MSL1: variants seen among roughly 807,000 people sequenced by gnomAD.
MSL1 encodes the protein MSL complex subunit 1, also known as male-specific lethal 1 homolog.
MSL1 carries 21 observed loss-of-function variants against 64.6 expected under a neutral mutation model. That is an observed-to-expected ratio of 0.33 (90% CI 0.23 to 0.47). The LOEUF (loss-of-function observed/expected upper bound fraction) is 0.47. Ranked by LOEUF, MSL1 falls within the 20% of genes least tolerant of loss-of-function variation. The pLI is 1.00. For synonymous variants in MSL1, 339 were observed against 329.6 expected, an observed-to-expected ratio of 1.03 and a Z score of -0.31; for missense variants, 664 against 793.2, an observed-to-expected ratio of 0.84 and a Z score of 1.96.
At position 40,126,189 on chromosome 17, in the gene MSL1, G is replaced by A; in HGVS notation, c.775G>A (p.Ala259Thr). The change falls in exon 2 of 9, where the codon GCT becomes ACT. Residue 259 changes from alanine (A) to threonine (T), a missense_variant. Ala to Thr is a moderately conservative substitution (Grantham distance 58, BLOSUM62 0). Coordinates refer to ENST00000398532, the MANE Select transcript of MSL1 (RefSeq NM_001365919.1). ...TTGCTACTCTCTCTTTTAGCTCCTT[G>A]CTCGGATTGAACGTATGGAAAGGCG... ...ELKSERDTLL[A>T]RIERMERRMQ... is the part of the protein sequence containing the mutation. 6.2e-7 allele frequency: 1 copy of A among 1,613,946 alleles called. No homozygotes were observed. The highest frequency in any genetic ancestry group is 8.5e-7 in the Non-Finnish European group (1 of 1,179,864).
Position 40,134,353 on chromosome 17 carries a change from G to A in MSL1, c.1829G>A (p.Arg610Gln), listed in dbSNP as rs1432578807. Residue 610 changes from arginine to glutamine, a missense_variant, in exon 9 of 9, where the codon CGG (arginine) becomes CAG (glutamine). Transcript: ENST00000398532. Reference sequence around the variant, plus strand: ...ATCCAGAAGAAGCAAACACCTCACCGGACGTGTAGGAAATAGCTGTGCTGG... The same window carrying A: ...ATCCAGAAGAAGCAAACACCTCACCAGACGTGTAGGAAATAGCTGTGCTGG... Reference protein sequence around the residue: ...LEIQKKQTPHRTCRK With the variant: ...LEIQKKQTPHQTCRK 3 of 1,554,928 alleles carry A rather than the reference G, an allele frequency of 1.9e-6. No homozygotes were observed. Among genetic ancestry groups the A allele is most frequent in the Non-Finnish European group, 2.6e-6 (3 of 1,148,692 alleles).
At chr17:40,129,703 A>G in intron 3 of MSL1, 76 bp downstream of exon 3, 1 of 1,436,010 alleles carries the variant, frequency 7.0e-7, no homozygotes, top group South Asian at 1.5e-5. Flanking sequence ...TGCCTTTGGC[A>G]TTTTTAAAAA....
intron 2 of MSL1, among the ~76,000 whole-genome samples, chr17:40,128,675 C>T (rs781498277): frequency 2.6e-5 from 4 of 151,432 alleles, no homozygotes; most frequent in Admixed American, 6.6e-5. Context: ...AGCCACTGCG[C>T]CTGGTGGACC....
At chr17:40,132,901 A>AT (rs1988468440) in intron 5 of MSL1, 141 bp from the exon 6 acceptor site, 2 of 681,358 alleles carry the variant, frequency 2.9e-6, no homozygotes, top group East Asian at 5.5e-5. Flanking sequence ...GGAGGTTCCC[A>AT]TACTGTCCAT....
Position 40,132,081 on chromosome 17 carries a change from C to A in MSL1, c.1471C>A (p.Pro491Thr). The A allele has an allele frequency of 6.2e-7, 1 of 1,602,846 alleles. No individual in the cohort carries two copies. Among genetic ancestry groups the A allele is most frequent in the African/African-American group, 1.3e-5 (1 of 74,862 alleles). The change falls in exon 5 of 9, where the codon CCT (proline) becomes ACT (threonine). Residue 491 changes from proline to threonine, a missense_variant. This residue lies in a region of MSL1 where 119 missense variants were observed against 164.3 expected (regional missense o/e 0.72). Coordinates refer to ENST00000398532, the MANE Select transcript of MSL1 (RefSeq NM_001365919.1). ...AGTAGAGCCTCTAAGGGACCCAAAT[C>A]CTTCAGACCTTTTGGAGGTAGGTAA... is the stretch of plus-strand genomic sequence containing the variant. ...HSVEPLRDPNPSDLLENLDDS... is the reference protein window; with the variant it reads ...HSVEPLRDPNTSDLLENLDDS...
In MSL1 at chr17:40,126,383, G is replaced by A. The variant is rs1988316099; in HGVS notation, c.969G>A (p.Gly323=). ...TGCCTCCCAAGCCCTTCTCATGTGG[G>A]CGGAGTGGAAAGGGACATAAAAGGT... The part of the protein sequence containing the change: ...QTLPPKPFSC[G]RSGKGHKRKS... The change falls in exon 2 of 9, where the codon GGG becomes GGA. Residue 323 remains glycine (G), a synonymous_variant. Transcript: ENST00000398532. 6.2e-7 allele frequency: 1 copy of A among 1,614,046 alleles called. No individual in the cohort carries two copies. Among genetic ancestry groups the A allele is most frequent in the Non-Finnish European group, 8.5e-7 (1 of 1,179,900 alleles).
intron 2 of MSL1, chr17:40,126,767 C>T (rs1276608437): frequency 5.2e-6 from 1 of 192,920 alleles, no homozygotes; most frequent in African/African-American, 2.4e-5. Context: ...GGGATTGCTC[C>T]ACTGCACTCC....
intron 6 of MSL1, 22 bp downstream of exon 6, chr17:40,133,131 C>A: frequency 6.3e-7 from 1 of 1,589,126 alleles, no homozygotes; most frequent in East Asian, 2.3e-5. Context: ...GATGTCCATC[C>A]TGGAAACAAC....
chr17:40,132,291 T>TA (rs1488132882), intron 5 of MSL1, among the ~76,000 whole-genome samples, 193 bp downstream of exon 5: 1 of 152,172 alleles, frequency 6.6e-6, no homozygotes. Context: ...AGTGATTTAT[T>TA]AAAAAATAAA....
chr17:40,130,478 C>T (rs1988417878), intron 3 of MSL1, among the ~76,000 whole-genome samples: 1 of 151,964 alleles, frequency 6.6e-6, no homozygotes, highest in Admixed American at 6.6e-5. Context: ...TAGTCTATGT[C>T]AGTCACTGCG....
intron 2 of MSL1, among the ~76,000 whole-genome samples, chr17:40,128,366 ATTC>A (rs1431012579): frequency 7.6e-6 from 1 of 131,658 alleles, no homozygotes; most frequent in African/African-American, 3.0e-5. Context: ...GACCTTGAAT[ATTC>A]TTTTTTTTTT....
intron 3 of MSL1, among the ~76,000 whole-genome samples, chr17:40,130,632 C>G (rs1438925520): frequency 6.6e-6 from 1 of 152,110 alleles, no homozygotes; most frequent in Non-Finnish European, 1.5e-5. Flanking sequence ...TTTGGCTGTT[C>G]TGGTGACAAA....
At chr17:40,123,408 GC>G in intron 1 of MSL1, 28 bp downstream of exon 1, 2 of 1,531,454 alleles carry the variant, frequency 1.3e-6, no homozygotes, top group Non-Finnish European at 1.7e-6. Flanking sequence ...CTGCATTCGG[GC>G]CGAGGAGCGA....
chr17:40,123,414 G>A (rs1282289110), intron 1 of MSL1, 34 bp downstream of exon 1: 6 of 1,529,718 alleles, frequency 3.9e-6, no homozygotes, highest in Non-Finnish European at 5.3e-6. Flanking sequence ...TCGGGCCGAG[G>A]AGCGAGTTGT....
chr17:40,125,705 G>C (rs1370693109), intron 1 of MSL1, among the ~76,000 whole-genome samples: 3 of 152,154 alleles, frequency 2.0e-5, no homozygotes, highest in Non-Finnish European at 4.4e-5. Context: ...AGCTACTCGG[G>C]AGGCTGAGGC....
rs1009311244 is a variant in MSL1 at position 40,134,586 on chromosome 17, CTT to C, written c.*222_*223del. 1.9e-6 allele frequency: 1 copy of C among 535,004 alleles called. No individual in the cohort carries two copies. The highest frequency in any genetic ancestry group is 3.3e-6 in the Non-Finnish European group (1 of 299,084). The allele number at this position is 535,004 out of a possible 1,614,324, so 33.1% of individuals were successfully genotyped here. A position where few individuals can be genotyped will look rare whatever the true frequency, so the allele number is the denominator to read the frequency against. On this transcript the variant is annotated 3_prime_UTR_variant, in exon 9 of 9. Transcript: ENST00000398532. ...GGAGGGTGATTGGGATTTCTTTTCCCTTTTTTGGGAAATGGGCTCTCAAGCTA... is the reference window on the plus strand; with the variant it reads ...GGAGGGTGATTGGGATTTCTTTTCCCTTTTGGGAAATGGGCTCTCAAGCTA...
At chr17:40,125,343 T>C (rs1421645737) in intron 1 of MSL1, among the ~76,000 whole-genome samples, 1 of 152,232 alleles carries the variant, frequency 6.6e-6, no homozygotes, top group East Asian at 1.9e-4. Context: ...GAAATGTTCA[T>C]TGTTTTAAAA....
intron 3 of MSL1, 48 bp downstream of exon 3, chr17:40,129,675 A>G: frequency 6.7e-7 from 1 of 1,484,796 alleles, no homozygotes; most frequent in Non-Finnish European, 8.9e-7. Context: ...GTGGCGGTCA[A>G]GCTAACAAGT....
rs1388688130 is a variant in MSL1, at chr17:40,133,650, C to T, written c.1673C>T (p.Pro558Leu). The T allele has an allele frequency of 5.6e-6, 9 of 1,613,384 alleles. No individual in the cohort carries two copies. The African/African-American group carries it at 9.4e-5, about 17-fold the overall frequency. The change falls in exon 7 of 9, where the codon CCA becomes CTA. Residue 558 changes from proline to leucine, a missense_variant. Physicochemically the swap from Pro to Leu is moderately conservative, Grantham distance 98 (BLOSUM62 -3). Coordinates refer to ENST00000398532, the MANE Select transcript of MSL1 (RefSeq NM_001365919.1). ...EPEVTSFFPEPDDVESLMITP... is the reference protein window; with the variant it reads ...EPEVTSFFPELDDVESLMITP... ...GAGGTTACCTCATTTTTCCCTGAGC[C>T]AGATGATGGTAAGTTGTGTCCATCT...
Sources: gnomAD v4.1 joint callset for allele counts (sites outside exome capture counted in the v4.1 genomes callset) on GRCh38, gnomAD v4.1.1 for gene constraint, gnomAD v4.1.1 regional missense constraint, MANE v1.5 for transcripts, NCBI Gene and HGNC (gene_info 2026-07-23, HGNC 2026-07-21) for gene names.